The following CTNNA2 variants were observed in gnomAD, a reference collection of about 807,000 sequenced individuals.
CTNNA2 encodes the protein catenin alpha 2, also known as catenin alpha-2.
CTNNA2 carries 42 observed loss-of-function variants against 101.0 expected under a neutral mutation model. The ratio of observed to expected loss-of-function variants is 0.42; its 90% CI spans 0.32 to 0.54. The LOEUF (loss-of-function observed/expected upper bound fraction) is 0.54. CTNNA2 is among the 20% of genes least tolerant of loss of function. The pLI is 0.14. For synonymous variants in CTNNA2, 450 were observed against 456.4 expected, an observed-to-expected ratio of 0.99 and a Z score of 0.18; for missense variants, 871 against 1,223.1, an observed-to-expected ratio of 0.71 and a Z score of 4.29.
intron 7 of CTNNA2, among the ~76,000 whole-genome samples, chr2:80,235,652 C>T (rs1709510768): frequency 6.6e-6 from 1 of 152,158 alleles, no homozygotes; most frequent in Non-Finnish European, 1.5e-5. Context: ...CTCATGAAAA[C>T]CCAGAGGAGC....
intron 4 of CTNNA2, among the ~76,000 whole-genome samples, chr2:79,468,254 A>C (rs1298837649): frequency 6.6e-6 from 1 of 152,182 alleles, no homozygotes; most frequent in Non-Finnish European, 1.5e-5. Context: ...ACAGACTTTA[A>C]ACCAAAAAAG....
At chr2:79,844,772 C>T (rs1047230676) in intron 3 of CTNNA2, among the ~76,000 whole-genome samples, 13 of 152,014 alleles carry the variant, frequency 8.6e-5, no homozygotes, top group Admixed American at 2.6e-4. Context: ...AATATGAGGC[C>T]GAAGGACTGC....
chr2:80,315,949 C>G (rs978602005), intron 7 of CTNNA2, among the ~76,000 whole-genome samples: 6 of 152,272 alleles, frequency 3.9e-5, no homozygotes, highest in East Asian at 1.9e-4. Flanking sequence ...CACCCAAGAC[C>G]CACTGTAACA....
intron 4 of CTNNA2, among the ~76,000 whole-genome samples, chr2:79,392,703 A>G (rs1470928050): frequency 6.6e-6 from 1 of 152,162 alleles, no homozygotes; most frequent in African/African-American, 2.4e-5. Context: ...TCAACTATTC[A>G]TGAATACAAT....
intron 7 of CTNNA2, among the ~76,000 whole-genome samples, chr2:80,150,623 A>C (rs56155157): frequency 2.6e-5 from 4 of 152,342 alleles, no homozygotes; most frequent in Non-Finnish European, 5.9e-5. Flanking sequence ...AGAAGGGCTT[A>C]CAGTCTCTCA....
intron 7 of CTNNA2, among the ~76,000 whole-genome samples, chr2:80,207,034 G>A (rs1324037742): frequency 1.3e-5 from 2 of 152,084 alleles, no homozygotes; most frequent in Admixed American, 1.3e-4. Flanking sequence ...ATTCATTTCT[G>A]GTTGTGTGAC....
chr2:79,863,220 A>G (rs575691286), intron 4 of CTNNA2, among the ~76,000 whole-genome samples: 3 of 141,068 alleles, frequency 2.1e-5, no homozygotes, highest in Non-Finnish European at 3.0e-5. Context: ...TGAGTTAATT[A>G]TTTAGATGGA....
At chr2:79,528,446 T>C (rs1469022263) in intron 1 of CTNNA2, among the ~76,000 whole-genome samples, 2 of 151,996 alleles carry the variant, frequency 1.3e-5, no homozygotes, top group Non-Finnish European at 2.9e-5. Flanking sequence ...AGTTTTCGTT[T>C]TGAGATGATG....
chr2:80,606,412 A>ACACCCC (rs1011187162), intron 16 of CTNNA2, among the ~76,000 whole-genome samples: 4 of 48,648 alleles, frequency 8.2e-5, no homozygotes, highest in East Asian at 4.9e-4. Context: ...ACACACACAC[A>ACACCCC]CCCCCCAGGA....
At chr2:79,864,994 A>G (rs1159573000) in intron 4 of CTNNA2, among the ~76,000 whole-genome samples, 3 of 152,224 alleles carry the variant, frequency 2.0e-5, no homozygotes, top group African/African-American at 7.2e-5. Flanking sequence ...GAAGAACTCA[A>G]TGACACTGGT....
At chr2:79,983,970 G>A (rs1196039679) in intron 7 of CTNNA2, among the ~76,000 whole-genome samples, 3 of 152,026 alleles carry the variant, frequency 2.0e-5, no homozygotes, top group African/African-American at 7.2e-5. Context: ...ACCTATACTG[G>A]AGTGATTAAA....
At position 79,412,870 on chromosome 2, in the gene CTNNA2, A is replaced by G. The variant is rs192615004; in HGVS notation, c.-135+38857A>G. ...AATGACAGAATGGCATGAAAAGGAA[A>G]TGAGCATTAGTGGTGATAGTAGCAG... On this transcript the variant is annotated intron_variant, in intron 4 of 21. Coordinates refer to the CTNNA2 transcript ENST00000466387. Among the ~76,000 whole-genome samples the G allele has an allele frequency of 3.9e-3, 589 of 152,244 alleles. 6 individuals are homozygous for G. Among genetic ancestry groups the G allele is most frequent in the Non-Finnish European group, 6.7e-3 (457 of 67,992 alleles).
At chr2:80,375,988 G>C (rs1212444535) in intron 7 of CTNNA2, among the ~76,000 whole-genome samples, 1 of 152,026 alleles carries the variant, frequency 6.6e-6, no homozygotes, top group Non-Finnish European at 1.5e-5. Flanking sequence ...GGGATCTCTG[G>C]CCAGTTTTAT....
At chr2:80,422,832 T>G (rs535014813) in intron 9 of CTNNA2, among the ~76,000 whole-genome samples, 1 of 152,304 alleles carries the variant, frequency 6.6e-6, no homozygotes, top group South Asian at 2.1e-4. Context: ...CATTTATTTT[T>G]TAAATGTTTG....
At chr2:79,887,807 C>G (rs1683997382) in intron 6 of CTNNA2, among the ~76,000 whole-genome samples, 2 of 152,182 alleles carry the variant, frequency 1.3e-5, no homozygotes, top group South Asian at 2.1e-4. Flanking sequence ...CGTATCTTCT[C>G]CCAGTGGAGT....
intron 4 of CTNNA2, among the ~76,000 whole-genome samples, chr2:79,860,546 G>GTTTTTTGTTT (rs1681521309): frequency 9.3e-6 from 1 of 107,180 alleles, no homozygotes; most frequent in Non-Finnish European, 1.7e-5. Context: ...AGTAAGGGAA[G>GTTTTTTGTTT]TTTTTTTTTT....
At chr2:79,485,407 T>C (rs723933) in intron 4 of CTNNA2, among the ~76,000 whole-genome samples, 106,345 of 152,086 alleles carry the variant, frequency 0.7, 37,454 homozygotes, top group African/African-American at 0.76. Context: ...TTCTACCTAG[T>C]AAATTAATGT....
chr2:80,081,292 C>T (rs912943732), intron 7 of CTNNA2, among the ~76,000 whole-genome samples: 3 of 151,504 alleles, frequency 2.0e-5, no homozygotes, highest in African/African-American at 4.9e-5. Context: ...ACATAAATTT[C>T]GAGGAGGATT....
chr2:79,544,680 A>AT (rs1437675827), intron 1 of CTNNA2, among the ~76,000 whole-genome samples: 1 of 152,096 alleles, frequency 6.6e-6, no homozygotes, highest in Non-Finnish European at 1.5e-5. Context: ...AAGAATATTG[A>AT]TTTTTTCATG....
Sources: gnomAD v4.1 joint callset for allele counts (sites outside exome capture counted in the v4.1 genomes callset) on GRCh38, gnomAD v4.1.1 for gene constraint, MANE v1.5 for transcripts, NCBI Gene and HGNC (gene_info 2026-07-23, HGNC 2026-07-21) for gene names.